DENND5B: variants seen among roughly 807,000 people sequenced by gnomAD.
DENND5B encodes the protein DENN domain-containing protein 5B.
A neutral mutation model predicts 140.6 loss-of-function variants in DENND5B; 34 were observed. The ratio of observed to expected loss-of-function variants is 0.24; its 90% CI spans 0.18 to 0.32. The LOEUF is 0.32. DENND5B is among the 10% of genes least tolerant of loss of function. The pLI, the probability that DENND5B is intolerant of heterozygous loss-of-function variation, is 1.00. For synonymous variants in DENND5B, 551 were observed against 562.1 expected, an observed-to-expected ratio of 0.98 and a Z score of 0.28; for missense variants, 1,142 against 1,560.2, an observed-to-expected ratio of 0.73 and a Z score of 4.52.
intron 1 of DENND5B, among the ~76,000 whole-genome samples, chr12:31,565,533 G>A (rs1220199959): frequency 1.3e-5 from 2 of 152,064 alleles, no homozygotes; most frequent in African/African-American, 4.8e-5. Flanking sequence ...ATGCATAAAA[G>A]GCCCAAAGTT....
At chr12:31,584,738 AC>A (rs1950335206) in intron 1 of DENND5B, among the ~76,000 whole-genome samples, 1 of 152,104 alleles carries the variant, frequency 6.6e-6, no homozygotes, top group Non-Finnish European at 1.5e-5. Context: ...GAGGTGAAGG[AC>A]TGCTTGAGCC....
At chr12:31,585,134 T>A (rs1380146327) in intron 1 of DENND5B, among the ~76,000 whole-genome samples, 1 of 151,844 alleles carries the variant, frequency 6.6e-6, no homozygotes, top group Non-Finnish European at 1.5e-5. Flanking sequence ...CCCAAATATC[T>A]CCCAATAAGC....
At chr12:31,457,214 A>C (rs1185806086) in intron 4 of DENND5B, among the ~76,000 whole-genome samples, 1 of 152,230 alleles carries the variant, frequency 6.6e-6, no homozygotes, top group African/African-American at 2.4e-5. Flanking sequence ...GAACAGTAGA[A>C]AGTGAGGTAC....
At chr12:31,527,167 C>T (rs1453986658) in intron 1 of DENND5B, among the ~76,000 whole-genome samples, 2 of 152,034 alleles carry the variant, frequency 1.3e-5, no homozygotes, top group African/African-American at 4.8e-5. Flanking sequence ...TGGAGAATCA[C>T]AATTTTAAAA....
intron 3 of DENND5B, among the ~76,000 whole-genome samples, chr12:31,467,535 A>T (rs1286110322): frequency 1.3e-5 from 2 of 152,144 alleles, no homozygotes; most frequent in East Asian, 3.8e-4. Flanking sequence ...AGCTATCAGG[A>T]GGCTGAGGCA....
At chr12:31,504,760 T>C (rs1050638006) in intron 1 of DENND5B, among the ~76,000 whole-genome samples, 10 of 152,182 alleles carry the variant, frequency 6.6e-5, no homozygotes, top group African/African-American at 2.4e-4. Context: ...CCCAGGAGCC[T>C]AGAAGTTTTA....
intron 15 of DENND5B, among the ~76,000 whole-genome samples, chr12:31,401,788 A>G (rs1190007561): frequency 6.6e-6 from 1 of 151,908 alleles, no homozygotes; most frequent in African/African-American, 2.4e-5. Flanking sequence ...TGCCCAGCTA[A>G]TTTTTGTATT....
intron 4 of DENND5B, among the ~76,000 whole-genome samples, chr12:31,456,217 CT>C (rs1455646943): frequency 6.6e-6 from 1 of 151,144 alleles, no homozygotes; most frequent in Non-Finnish European, 1.5e-5. Context: ...GTAATCCCAG[CT>C]ATTTGGGAAG....
chr12:31,518,861 C>A (rs144387316), intron 1 of DENND5B, among the ~76,000 whole-genome samples: 2,099 of 152,246 alleles, frequency 0.014, 28 homozygotes, highest in Non-Finnish European at 0.02. Flanking sequence ...ATATGCAAAC[C>A]AATTTTGTTC....
intron 1 of DENND5B, among the ~76,000 whole-genome samples, chr12:31,559,334 C>T (rs1949398588): frequency 6.6e-6 from 1 of 152,130 alleles, no homozygotes; most frequent in Admixed American, 6.6e-5. Context: ...TCTCCTATGC[C>T]ATATTATAGT....
chr12:31,427,146 A>C (rs1943275456), intron 8 of DENND5B, among the ~76,000 whole-genome samples: 1 of 152,170 alleles, frequency 6.6e-6, no homozygotes, highest in African/African-American at 2.4e-5. Context: ...TAATCAAGAG[A>C]AAGTGAATTA....
At chr12:31,493,221 C>T (rs1167045547) in intron 2 of DENND5B, among the ~76,000 whole-genome samples, 1 of 152,164 alleles carries the variant, frequency 6.6e-6, no homozygotes, top group Non-Finnish European at 1.5e-5. Context: ...CTGAGTCTTA[C>T]TGCCTAACTT....
Position 31,399,714 on chromosome 12 carries a change from A to G in DENND5B, c.3008T>C (p.Leu1003Ser). 6.2e-7 allele frequency: 1 copy of G among 1,614,060 alleles called. No homozygotes were observed. Among genetic ancestry groups the G allele is most frequent in the African/African-American group, 1.3e-5 (1 of 75,058 alleles). ...GACACAATCCACTAGCCATTTGGCT[A>G]ACAGTCCTGAGTTATCGTGACCAAT... ...VQIGHDNSGL[L>S]AKWLVDCVMV... is the part of the protein sequence containing the mutation. The change falls in exon 16 of 21, where the codon TTA becomes TCA. Residue 1003 changes from leucine (L) to serine (S), a missense_variant. Leu to Ser is a moderately radical substitution (Grantham distance 145). Coordinates refer to ENST00000389082, the MANE Select transcript of DENND5B (RefSeq NM_144973.4).
At chr12:31,558,963 C>G (rs182997718) in intron 1 of DENND5B, among the ~76,000 whole-genome samples, 1 of 151,858 alleles carries the variant, frequency 6.6e-6, no homozygotes, top group Non-Finnish European at 1.5e-5. Context: ...TTTTGTAATA[C>G]GAAAAGAAAA....
At chr12:31,536,364 C>T (rs1209202558) in intron 1 of DENND5B, among the ~76,000 whole-genome samples, 1 of 151,940 alleles carries the variant, frequency 6.6e-6, no homozygotes, top group Non-Finnish European at 1.5e-5. Context: ...AAAAATTTAA[C>T]AAAGAGATTT....
rs1940802639 is a variant in DENND5B, at chr12:31,385,295, T to C, written c.*2308A>G. The C allele has an allele frequency of 1.3e-5, 2 of 152,190 alleles. No individual in the cohort carries two copies. Among genetic ancestry groups the C allele is most frequent in the Admixed American group, 1.3e-4 (2 of 15,272 alleles). The allele number at this position is 152,190 out of a possible 1,614,324, so 9.4% of individuals were successfully genotyped here. On this transcript the variant is annotated 3_prime_UTR_variant, in exon 21 of 21. Transcript: ENST00000389082. ...AATAAAACAAACAAACAAACATGAA[T>C]TCTAGAGCTTGTGTTGTCAGTAACC...
intron 1 of DENND5B, among the ~76,000 whole-genome samples, chr12:31,498,495 C>T (rs185863559): frequency 6.6e-6 from 1 of 152,172 alleles, no homozygotes; most frequent in Admixed American, 6.5e-5. Flanking sequence ...AAAAAAGCCA[C>T]AAAACAGTAA....
At position 31,480,172 on chromosome 12, in the gene DENND5B, T is replaced by C. The variant is rs1249227620; in HGVS notation, c.321A>G (p.Glu107=). ...CAAAACCATAGGTGCGAGAACCATC[T>C]TCCCTGGTAATTATAAATGAGTGAA... ...PQFHSFIITR[E]DGSRTYGFVL... The change falls in exon 3 of 21, where the codon GAA becomes GAG. Residue 107 remains glutamate, a synonymous_variant. Coordinates refer to ENST00000389082, the MANE Select transcript of DENND5B (RefSeq NM_144973.4). 23 of 1,604,628 alleles carry C rather than the reference T, an allele frequency of 1.4e-5. 2 individuals are homozygous for C. The highest frequency in any genetic ancestry group is 2.2e-5 in the South Asian group (2 of 89,450).
intron 5 of DENND5B, among the ~76,000 whole-genome samples, chr12:31,449,738 T>TGTTG (rs1555149774): frequency 9.0e-6 from 1 of 111,254 alleles, no homozygotes; most frequent in Non-Finnish European, 1.9e-5. Flanking sequence ...TTAGTTTTTT[T>TGTTG]TTTTTTTTTT....
Sources: allele counts gnomAD v4.1 joint callset (sites outside exome capture counted in the v4.1 genomes callset), GRCh38; gene constraint gnomAD v4.1.1; transcripts MANE v1.5; gene names NCBI Gene and HGNC (gene_info 2026-07-23, HGNC 2026-07-21).